Variants in LRRTM4 observed in about 807,000 individuals in gnomAD.
LRRTM4 encodes leucine rich repeat transmembrane neuronal 4.
In LRRTM4, 25 loss-of-function variants were observed where a neutral mutation model predicts 47.6. The ratio of observed to expected loss-of-function variants is 0.53; its 90% CI spans 0.38 to 0.73. The LOEUF is 0.73. LRRTM4 is among the 30% of genes least tolerant of loss of function. LRRTM4 has a pLI of 0.00. For missense variants in LRRTM4, 638 were observed against 713.4 expected (o/e 0.89, Z 1.20); for synonymous variants, 311 against 269.5 (o/e 1.15, Z -1.51).
At chr2:77,423,185 G>T (rs567706633) in intron 3 of LRRTM4, among the ~76,000 whole-genome samples, 2 of 151,746 alleles carry the variant, frequency 1.3e-5, no homozygotes, top group African/African-American at 4.8e-5. Flanking sequence ...ACTTTTCATC[G>T]CCTACTTACC....
At chr2:77,419,845 C>A (rs963848938) in intron 3 of LRRTM4, among the ~76,000 whole-genome samples, 2 of 152,088 alleles carry the variant, frequency 1.3e-5, no homozygotes, top group African/African-American at 4.8e-5. Context: ...TGACCAGATG[C>A]CTTCCAGAAA....
chr2:77,513,466 C>CA (rs1679095181), intron 3 of LRRTM4, among the ~76,000 whole-genome samples: 4 of 151,972 alleles, frequency 2.6e-5, no homozygotes, highest in Admixed American at 6.6e-5. Flanking sequence ...TAAAGCAACA[C>CA]AAAAAATGGC....
chr2:77,017,474 C>G (rs972835399), intron 3 of LRRTM4, among the ~76,000 whole-genome samples: 17 of 152,126 alleles, frequency 1.1e-4, no homozygotes, highest in Non-Finnish European at 7.4e-5. Context: ...GATATCCCCT[C>G]CATTAGCTGT....
chr2:77,297,278 A>G (rs941720550), intron 3 of LRRTM4, among the ~76,000 whole-genome samples: 1 of 152,118 alleles, frequency 6.6e-6, no homozygotes, highest in African/African-American at 2.4e-5. Context: ...TATGAATTTT[A>G]TATCATAGTA....
intron 3 of LRRTM4, among the ~76,000 whole-genome samples, chr2:77,383,240 A>T (rs901835055): frequency 1.1e-4 from 17 of 152,000 alleles, no homozygotes; most frequent in Non-Finnish European, 2.5e-4. Flanking sequence ...TACCTTTCAG[A>T]TTGGGTACCA....
At chr2:77,037,614 C>T (rs546815975) in intron 3 of LRRTM4, among the ~76,000 whole-genome samples, 75 of 151,696 alleles carry the variant, frequency 4.9e-4, no homozygotes, top group Non-Finnish European at 8.9e-4. Flanking sequence ...AAATAGGATG[C>T]ACAAATATCC....
intron 3 of LRRTM4, among the ~76,000 whole-genome samples, chr2:77,063,129 A>ATT (rs141643486): frequency 0.035 from 5,201 of 147,924 alleles, 296 homozygotes; most frequent in African/African-American, 0.12. Flanking sequence ...TAATCTTTGT[A>ATT]TTTTTTTTTT....
chr2:77,236,370 C>T (rs1675103157), intron 3 of LRRTM4, among the ~76,000 whole-genome samples: 1 of 151,992 alleles, frequency 6.6e-6, no homozygotes, highest in African/African-American at 2.4e-5. Context: ...ATTGTGTATT[C>T]TGATACATCA....
At chr2:76,814,836 A>C (rs1348972928) in intron 3 of LRRTM4, among the ~76,000 whole-genome samples, 2 of 151,012 alleles carry the variant, frequency 1.3e-5, no homozygotes, top group Non-Finnish European at 3.0e-5. Flanking sequence ...CACACACACA[A>C]AAGCATACCC....
intron 3 of LRRTM4, among the ~76,000 whole-genome samples, chr2:77,324,578 A>G (rs566488507): frequency 1.3e-5 from 2 of 152,288 alleles, no homozygotes; most frequent in Admixed American, 1.3e-4. Context: ...ACAGGAAATA[A>G]CTTTGTGCTC....
At chr2:77,201,985 A>G (rs983036930) in intron 3 of LRRTM4, among the ~76,000 whole-genome samples, 2 of 152,124 alleles carry the variant, frequency 1.3e-5, no homozygotes, top group Non-Finnish European at 2.9e-5. Flanking sequence ...CAAGCTGACA[A>G]GAGGTGGTAA....
At chr2:77,250,569 C>T (rs1265328675) in intron 3 of LRRTM4, among the ~76,000 whole-genome samples, 4 of 152,100 alleles carry the variant, frequency 2.6e-5, no homozygotes, top group Non-Finnish European at 5.9e-5. Context: ...ATAAACAGGT[C>T]TTCTTAAGTG....
intron 3 of LRRTM4, among the ~76,000 whole-genome samples, chr2:77,487,903 A>G (rs1677982844): frequency 6.6e-6 from 1 of 152,148 alleles, no homozygotes; most frequent in Non-Finnish European, 1.5e-5. Context: ...GGGTCTCCTG[A>G]GACCTGTGCT....
rs550561538 is a variant in LRRTM4 at position 76,942,811 on chromosome 2, A to G, written c.1552-193895T>C. ...GGGGAATAGTAGGTACTAAATACAT[A>G]TTAATTTCTATCTTATGGCTTCTAA... On this transcript the variant is annotated intron_variant, in intron 3 of 3. Transcript: ENST00000409884. Among the ~76,000 whole-genome samples, 46 of 152,212 alleles carry G rather than the reference A, an allele frequency of 3.0e-4. No homozygotes were observed. The South Asian group carries it at 9.1e-3, about 30-fold the overall frequency.
intron 3 of LRRTM4, among the ~76,000 whole-genome samples, chr2:77,397,261 T>C (rs1673739755): frequency 6.6e-6 from 1 of 151,764 alleles, no homozygotes; most frequent in South Asian, 2.1e-4. Context: ...GGAACTCAGG[T>C]TTTCTGATTA....
At chr2:77,159,900 G>A (rs894829156) in intron 3 of LRRTM4, among the ~76,000 whole-genome samples, 1 of 152,168 alleles carries the variant, frequency 6.6e-6, no homozygotes, top group Non-Finnish European at 1.5e-5. Context: ...CAATCCATCT[G>A]ATTGTGACAG....
At chr2:77,317,450 T>C (rs1260336723) in intron 3 of LRRTM4, among the ~76,000 whole-genome samples, 1 of 152,240 alleles carries the variant, frequency 6.6e-6, no homozygotes, top group Non-Finnish European at 1.5e-5. Context: ...TTTTCTGACT[T>C]TATTCCTATG....
intron 3 of LRRTM4, among the ~76,000 whole-genome samples, chr2:76,854,289 C>T (rs905327860): frequency 3.9e-5 from 6 of 151,978 alleles, no homozygotes; most frequent in African/African-American, 1.2e-4. Flanking sequence ...TTTTAAAAGC[C>T]TTCTGGAAGG....
intron 3 of LRRTM4, among the ~76,000 whole-genome samples, chr2:77,504,665 G>A (rs770815415): frequency 6.6e-6 from 1 of 151,494 alleles, no homozygotes; most frequent in Non-Finnish European, 1.5e-5. Flanking sequence ...TACATGTAAT[G>A]ATCTAACAAT....
Sources: allele counts gnomAD v4.1 joint callset (sites outside exome capture counted in the v4.1 genomes callset), GRCh38; gene constraint gnomAD v4.1.1; transcripts MANE v1.5; gene names NCBI Gene and HGNC (gene_info 2026-07-23, HGNC 2026-07-21).